The following AHI1 variants were observed in gnomAD, a reference collection of about 807,000 sequenced individuals.
The protein encoded by AHI1 is jouberin.
In AHI1, 123 loss-of-function variants were observed where a neutral mutation model predicts 149.3. The ratio of observed to expected loss-of-function variants is 0.82; its 90% confidence interval spans 0.71 to 0.96. The LOEUF is 0.96. Ranked by LOEUF, AHI1 falls within the 40% of genes least tolerant of loss-of-function variation. The probability of loss-of-function intolerance (pLI) is 0.00; values close to 1 mark genes in which losing one functional copy is unlikely to be tolerated. For missense variants in AHI1, 1,439 were observed against 1,422.7 expected, an observed-to-expected ratio of 1.01 and a Z score of -0.18; for synonymous variants, 475 against 459.8, an observed-to-expected ratio of 1.03 and a Z score of -0.42.
chr6:135,460,698 A>G lies in AHI1; in HGVS notation c.931+2427T>C, dbSNP rs192802533. ...ATAGCAAGACCTATTAAAAAGCTAC[A>G]GTATTTAGACATGGTAGTGTTGGTA... On this transcript the variant is annotated intron_variant, in intron 8 of 28. Coordinates refer to ENST00000265602, the MANE Select transcript of AHI1 (RefSeq NM_001134831.2). Among the ~76,000 whole-genome samples the G allele has an allele frequency of 2.4e-3, 371 of 152,364 alleles. 13 individuals are homozygous for G. Among genetic ancestry groups the G allele is most frequent in the Admixed American group, 0.02 (306 of 15,308 alleles).
intron 26 of AHI1, chr6:135,318,295 C>T: frequency 7.0e-6 from 3 of 430,396 alleles, no homozygotes; most frequent in Non-Finnish European, 1.2e-5. Context: ...ATCACTTAGG[C>T]TGTGACTTGG....
At position 135,466,072 on chromosome 6, in the gene AHI1, C is replaced by A. The variant is rs749254267; in HGVS notation, c.491G>T (p.Gly164Val). The change falls in exon 7 of 29, where the codon GGC becomes GTC. Residue 164 changes from glycine (G) to valine (V), a missense_variant. Gly to Val is a moderately radical substitution (Grantham distance 109, BLOSUM62 -3). Transcript: ENST00000265602. ...CTTCTCACTTTTCTGATGATCAACG[C>A]CTGGCTGTGGCTTTGTATGTGTTTT... ...HQKTHTKPQP[G>V]VDHQKSEKAN... is the part of the protein sequence containing the mutation. 1 of 1,613,898 alleles carries A rather than the reference C, an allele frequency of 6.2e-7. No individual in the cohort carries two copies. Among genetic ancestry groups the A allele is most frequent in the African/African-American group, 1.3e-5 (1 of 75,034 alleles).
At chr6:135,394,718 T>A (rs1385057847) in intron 23 of AHI1, 58 bp downstream of exon 23, 10 of 1,595,026 alleles carry the variant, frequency 6.3e-6, no homozygotes, top group Non-Finnish European at 8.6e-6. Flanking sequence ...GTGATATTCA[T>A]CAACACAACA....
intron 23 of AHI1, among the ~76,000 whole-genome samples, chr6:135,370,651 T>G (rs1186139993): frequency 6.6e-6 from 1 of 152,238 alleles, no homozygotes; most frequent in East Asian, 1.9e-4. Flanking sequence ...TGCAATTTAT[T>G]TTGTTTAGAA....
chr6:135,432,166 T>C (rs1784755948), intron 16 of AHI1, among the ~76,000 whole-genome samples: 1 of 152,136 alleles, frequency 6.6e-6, no homozygotes, highest in Admixed American at 6.6e-5. Context: ...TTAACATCCC[T>C]ACAGCTGAAC....
intron 17 of AHI1, among the ~76,000 whole-genome samples, chr6:135,430,543 T>C (rs1353238927): frequency 1.3e-5 from 2 of 151,788 alleles, no homozygotes; most frequent in Non-Finnish European, 3.0e-5. Flanking sequence ...TTATGAAAAA[T>C]TGAAGAAAAA....
At chr6:135,418,924 G>A (rs764845780) in intron 20 of AHI1, among the ~76,000 whole-genome samples, 7 of 151,180 alleles carry the variant, frequency 4.6e-5, no homozygotes, top group Non-Finnish European at 1.0e-4. Flanking sequence ...AACATCTGCA[G>A]TAAATGTTCA....
Position 135,411,352 on chromosome 6 carries a change from A to G in AHI1, c.2957T>C (p.Val986Ala), listed in dbSNP as rs1303310772. 3 of 1,608,394 alleles carry G rather than the reference A, an allele frequency of 1.9e-6. No individual in the cohort carries two copies. Among genetic ancestry groups the G allele is most frequent in the Non-Finnish European group, 2.6e-6 (3 of 1,175,310 alleles). ...AACTGCATAAAATAAACTTACTGTG[A>G]CAGTTTCAAGCCTCTGTTTTACTAG... ...MQLVKQRLET[V>A]TEVIRSCAAK... Residue 986 changes from valine (V) to alanine (A), a missense_variant, in exon 21 of 29, where the codon GTC (valine) becomes GCC (alanine). Physicochemically the swap from Val to Ala is moderately conservative, Grantham distance 64. Coordinates refer to ENST00000265602, the MANE Select transcript of AHI1 (RefSeq NM_001134831.2).
Position 135,361,281 on chromosome 6 carries a change from A to G in AHI1, c.3110-3094T>C, listed in dbSNP as rs190739496. ...CTTATATTTAACTTCTATATGTTAT[A>G]AACACCACAATATATTGTCAGTATT... On this transcript the variant is annotated intron_variant, in intron 23 of 28. Coordinates refer to ENST00000265602, the MANE Select transcript of AHI1 (RefSeq NM_001134831.2). Among the ~76,000 whole-genome samples, 4 of 152,324 alleles carry G rather than the reference A, an allele frequency of 2.6e-5. No individual in the cohort carries two copies. In the East Asian group the frequency reaches 7.7e-4, roughly 29 times the overall value.
rs913614033 is a variant in AHI1, at chr6:135,391,593, G to T, written c.3109+3183C>A. Among the ~76,000 whole-genome samples, 5 of 152,082 alleles carry T rather than the reference G, an allele frequency of 3.3e-5. No individual in the cohort carries two copies. The East Asian group carries it at 9.6e-4, about 29-fold the overall frequency. On this transcript the variant is annotated intron_variant, in intron 23 of 28. Coordinates refer to ENST00000265602, the MANE Select transcript of AHI1 (RefSeq NM_001134831.2). Reference sequence around the variant, plus strand: ...AATAAAATGTGAATTCCTCAGTGCGGTATGATTTGACCCAATCTACCTCTG... The same window carrying T: ...AATAAAATGTGAATTCCTCAGTGCGTTATGATTTGACCCAATCTACCTCTG...
At chr6:135,324,248 G>A (rs1787303219) in intron 24 of AHI1, among the ~76,000 whole-genome samples, 1 of 152,084 alleles carries the variant, frequency 6.6e-6, no homozygotes, top group African/African-American at 2.4e-5. Context: ...GATCACTTGA[G>A]CCCCAGGGTT....
At chr6:135,393,824 T>C (rs1778852289) in intron 23 of AHI1, among the ~76,000 whole-genome samples, 1 of 152,074 alleles carries the variant, frequency 6.6e-6, no homozygotes, top group Non-Finnish European at 1.5e-5. Flanking sequence ...ATAATATAAA[T>C]ATCATTTTCA....
intron 5 of AHI1, among the ~76,000 whole-genome samples, chr6:135,486,830 T>A (rs1794547434): frequency 2.0e-5 from 3 of 152,196 alleles, no homozygotes; most frequent in Admixed American, 2.0e-4. Context: ...TGCAGTGGCA[T>A]GATTATGGCT....
intron 24 of AHI1, among the ~76,000 whole-genome samples, chr6:135,333,919 T>G (rs1259746830): frequency 6.6e-6 from 1 of 152,222 alleles, no homozygotes; most frequent in Non-Finnish European, 1.5e-5. Flanking sequence ...ATTGAAAATA[T>G]TAATTTATTG....
intron 15 of AHI1, among the ~76,000 whole-genome samples, chr6:135,433,692 T>C (rs1300863218): frequency 2.0e-5 from 3 of 152,026 alleles, no homozygotes; most frequent in Admixed American, 6.5e-5. Context: ...GTTTAGAGAA[T>C]AGAATAGTCT....
At chr6:135,471,289 A>G (rs993762298) in intron 5 of AHI1, among the ~76,000 whole-genome samples, 9 of 152,312 alleles carry the variant, frequency 5.9e-5, no homozygotes, top group African/African-American at 1.7e-4. Context: ...TGACTTTATT[A>G]TTAATTTGTC....
chr6:135,290,307 A>C, intron 28 of AHI1, 116 bp downstream of exon 28: 1 of 715,982 alleles, frequency 1.4e-6, no homozygotes, highest in Non-Finnish European at 2.5e-6. Context: ...CCCAAATGGG[A>C]CTTGTCAGTC....
intron 24 of AHI1, among the ~76,000 whole-genome samples, chr6:135,338,300 CAAA>C (rs199794648): frequency 0.011 from 1,059 of 94,552 alleles, 11 homozygotes; most frequent in African/African-American, 0.04. Flanking sequence ...AACTCCATCT[CAAA>C]AAAAAAAAAA....
chr6:135,382,323 T>G (rs1266267974), intron 23 of AHI1, among the ~76,000 whole-genome samples: 1 of 152,238 alleles, frequency 6.6e-6, no homozygotes, highest in East Asian at 1.9e-4. Context: ...CACTTTTCAT[T>G]CAAGGAAAAG....
Sources: allele counts gnomAD v4.1 joint callset (sites outside exome capture counted in the v4.1 genomes callset), GRCh38; gene constraint gnomAD v4.1.1; transcripts MANE v1.5; gene names NCBI Gene and HGNC (gene_info 2026-07-23, HGNC 2026-07-21).